Variants in RBM39 observed in about 807,000 individuals in gnomAD.
RBM39 encodes the protein RNA-binding protein 39.
A neutral mutation model predicts 79.6 loss-of-function variants in RBM39; 12 were observed. The observed-to-expected ratio is 0.15, with a 90% CI of 0.10 to 0.24. The LOEUF (loss-of-function observed/expected upper bound fraction) is 0.24, where lower values mean the gene tolerates loss of function less well. Among genes scored for constraint, RBM39 ranks in the 10% least tolerant of loss-of-function variants. RBM39 has a pLI of 1.00. For synonymous variants in RBM39, 185 were observed against 208.4 expected, an observed-to-expected ratio of 0.89 and a Z score of 0.97; for missense variants, 243 against 653.4, an observed-to-expected ratio of 0.37 and a Z score of 6.85.
Position 35,701,937 on chromosome 20 carries a change from A to G in RBM39, c.*2544T>C, listed in dbSNP as rs1304005989. On this transcript the variant is annotated 3_prime_UTR_variant, in exon 17 of 17. Transcript: ENST00000253363. ...TATACCTAGTGGCTTTATCAGAAAA[A>G]GCAAAACAGTTCATCCACTGTAAAA... 6.7e-6 allele frequency: 1 copy of G among 149,870 alleles called. No homozygotes were observed. The highest frequency in any genetic ancestry group is 6.6e-5 in the Admixed American group (1 of 15,146). The allele number at this position is 149,870 out of a possible 1,614,324, so 9.3% of individuals were successfully genotyped here.
At chr20:35,716,714 G>A in intron 10 of RBM39, 26 bp downstream of exon 10, 2 of 1,350,972 alleles carry the variant, frequency 1.5e-6, no homozygotes, top group Non-Finnish European at 2.1e-6. Context: ...AAAACCCTAA[G>A]TAATATAATT....
chr20:35,719,563 G>A (rs2037634293), intron 9 of RBM39, among the ~76,000 whole-genome samples: 1 of 151,856 alleles, frequency 6.6e-6, no homozygotes, highest in Non-Finnish European at 1.5e-5. Context: ...TGTAATCCCA[G>A]CTACTCAGGA....
At chr20:35,713,120 T>C (rs2036643305) in intron 11 of RBM39, 24 bp from the exon 12 acceptor site, 1 of 1,597,414 alleles carries the variant, frequency 6.3e-7, no homozygotes. Flanking sequence ...GTCTTAAAGT[T>C]CCTACTATGT....
intron 3 of RBM39, among the ~76,000 whole-genome samples, chr20:35,737,389 C>CAAA (rs58047560): frequency 1.6e-5 from 1 of 62,248 alleles, no homozygotes; most frequent in Non-Finnish European, 3.3e-5. Context: ...AACTCCATCT[C>CAAA]AAAAAAAAAA....
intron 9 of RBM39, among the ~76,000 whole-genome samples, chr20:35,720,889 C>A (rs1477797357): frequency 6.6e-6 from 1 of 152,164 alleles, no homozygotes; most frequent in Non-Finnish European, 1.5e-5. Context: ...AGAAAAAGGG[C>A]AAATCTAATC....
At chr20:35,737,262 C>T (rs1327723658) in intron 3 of RBM39, among the ~76,000 whole-genome samples, 2 of 151,410 alleles carry the variant, frequency 1.3e-5, no homozygotes, top group Non-Finnish European at 2.9e-5. Flanking sequence ...CGGTGGCAGG[C>T]ACCTGTAATC....
At chr20:35,711,165 G>A (rs913146765) in intron 12 of RBM39, among the ~76,000 whole-genome samples, 5 of 152,100 alleles carry the variant, frequency 3.3e-5, no homozygotes, top group Non-Finnish European at 5.9e-5. Context: ...CTTTGTCACT[G>A]TATCAATTCC....
In RBM39 at chr20:35,741,987, TTGC is replaced by T. The variant is rs72096088; in HGVS notation, c.-63_-61del. 824 of 247,220 alleles carry T rather than the reference TTGC, an allele frequency of 3.3e-3. No homozygotes were observed. The highest frequency in any genetic ancestry group is 6.4e-3 in the South Asian group (158 of 24,576). The allele number at this position is 247,220 out of a possible 1,614,324, so 15.3% of individuals were successfully genotyped here. A position where few individuals can be genotyped will look rare whatever the true frequency, so the allele number is the denominator to read the frequency against. Reference sequence around the variant, plus strand: ...TGTGGTGCTCGTGTTCGGGAAGAGATTGCTGCTGCTGCTGCTGCTGCTGCCGCC... The same window carrying T: ...TGTGGTGCTCGTGTTCGGGAAGAGATTGCTGCTGCTGCTGCTGCTGCCGCC... On this transcript the variant is annotated 5_prime_UTR_variant, in exon 1 of 17. Transcript: ENST00000253363.
intron 12 of RBM39, 48 bp downstream of exon 12, chr20:35,712,971 G>T (rs192200260): frequency 1.3e-6 from 2 of 1,525,446 alleles, no homozygotes; most frequent in Non-Finnish European, 1.8e-6. Flanking sequence ...GAAAATTTTC[G>T]AATTAGATGA....
chr20:35,716,131 T>TAGAGCAAG (rs1335913340), intron 10 of RBM39, among the ~76,000 whole-genome samples: 1 of 152,178 alleles, frequency 6.6e-6, no homozygotes, highest in Non-Finnish European at 1.5e-5. Flanking sequence ...TGCAGCGCAA[T>TAGAGCAAG]AGCACAATCT....
chr20:35,724,056 G>A (rs1181150086), intron 8 of RBM39, among the ~76,000 whole-genome samples: 1 of 152,022 alleles, frequency 6.6e-6, no homozygotes, highest in Non-Finnish European at 1.5e-5. Context: ...ACAAGGCCAG[G>A]TGTGGTGGCT....
chr20:35,704,634 A>G (rs755134179), intron 16 of RBM39, 34 bp downstream of exon 16: 7 of 1,611,560 alleles, frequency 4.3e-6, no homozygotes, highest in South Asian at 2.2e-5. Context: ...TAGAGCCTTA[A>G]TAACAATCAG....
At chr20:35,738,511 G>A (rs1162417415) in intron 3 of RBM39, among the ~76,000 whole-genome samples, 2 of 152,018 alleles carry the variant, frequency 1.3e-5, no homozygotes, top group African/African-American at 4.8e-5. Context: ...CTTCCAAAAG[G>A]GCCTCTGAGC....
intron 10 of RBM39, among the ~76,000 whole-genome samples, chr20:35,714,874 T>G (rs2036907007): frequency 6.6e-6 from 1 of 152,100 alleles, no homozygotes; most frequent in Admixed American, 6.6e-5. Context: ...TATATAAAAT[T>G]TTGGTTTACA....
intron 8 of RBM39, among the ~76,000 whole-genome samples, chr20:35,722,421 T>G (rs199593046): frequency 1.1e-5 from 1 of 90,246 alleles, no homozygotes; most frequent in Non-Finnish European, 2.2e-5. Context: ...AAAATAAAAA[T>G]AAAAAAAAAA....
intron 12 of RBM39, among the ~76,000 whole-genome samples, chr20:35,712,474 GGGGGGCACA>G (rs1428804775): frequency 2.1e-4 from 25 of 121,794 alleles, no homozygotes; most frequent in Non-Finnish European, 4.3e-4. Flanking sequence ...GCGGGGGGTT[GGGGGGCACA>G]GGGGAATGAG....
rs2035403789 is a variant in RBM39, at chr20:35,703,618, T to A, written c.*863A>T. Reference sequence around the variant, plus strand: ...AAATGAAGATCTCCTGTGGCCTTTTTAAGAGACTTTTATTTGAGTGGTTCT... The same window carrying A: ...AAATGAAGATCTCCTGTGGCCTTTTAAAGAGACTTTTATTTGAGTGGTTCT... On this transcript the variant is annotated 3_prime_UTR_variant, in exon 17 of 17. Coordinates refer to ENST00000253363, the MANE Select transcript of RBM39 (RefSeq NM_184234.3). 1 of 152,686 alleles carries A rather than the reference T, an allele frequency of 6.5e-6. No individual in the cohort carries two copies. The highest frequency in any genetic ancestry group is 1.5e-5 in the Non-Finnish European group (1 of 68,054). The allele number at this position is 152,686 out of a possible 1,614,324, so 9.5% of individuals were successfully genotyped here. A position where few individuals can be genotyped will look rare whatever the true frequency, so the allele number is the denominator to read the frequency against.
intron 8 of RBM39, among the ~76,000 whole-genome samples, chr20:35,722,676 G>C (rs1342821996): frequency 1.3e-5 from 2 of 151,806 alleles, no homozygotes. Flanking sequence ...TCTCACGCCT[G>C]TAATCCTAGC....
intron 9 of RBM39, among the ~76,000 whole-genome samples, chr20:35,718,135 A>C (rs574356917): frequency 1.6e-4 from 25 of 152,146 alleles, no homozygotes; most frequent in African/African-American, 6.0e-4. Context: ...CTGGGATTAC[A>C]GGCATGAGCC....
Sources: allele counts gnomAD v4.1 joint callset (sites outside exome capture counted in the v4.1 genomes callset), GRCh38; gene constraint gnomAD v4.1.1; transcripts MANE v1.5; gene names NCBI Gene and HGNC (gene_info 2026-07-23, HGNC 2026-07-21).